The following MTHFD1L variants were observed in gnomAD, a reference collection of about 807,000 sequenced individuals.
MTHFD1L encodes the protein methylenetetrahydrofolate dehydrogenase (NADP+ dependent) 1 like.
In MTHFD1L, 81 loss-of-function variants were observed where a neutral mutation model predicts 119.5. The ratio of observed to expected loss-of-function variants is 0.68; its 90% CI spans 0.57 to 0.82. The LOEUF (loss-of-function observed/expected upper bound fraction) is 0.82, where lower values mean the gene tolerates loss of function less well. MTHFD1L is among the 40% of genes least tolerant of loss of function. MTHFD1L has a pLI of 0.00. For synonymous variants in MTHFD1L, 430 were observed against 475.2 expected (o/e 0.90, Z 1.24); for missense variants, 1,125 against 1,253.4 (o/e 0.90, Z 1.55).
intron 24 of MTHFD1L, among the ~76,000 whole-genome samples, chr6:151,026,540 A>G (rs1784624199): frequency 6.6e-6 from 1 of 152,202 alleles, no homozygotes; most frequent in South Asian, 2.1e-4. Context: ...CGTTTCTGAA[A>G]TACATGTTTA....
chr6:150,922,156 TG>T (rs1789061807), intron 9 of MTHFD1L, 48 bp from the exon 10 acceptor site: 1 of 1,353,994 alleles, frequency 7.4e-7, no homozygotes, highest in African/African-American at 1.4e-5. Flanking sequence ...GTGTGTGCCC[TG>T]TCAGCTTTTA....
At chr6:151,024,839 G>GT (rs899783707) in intron 24 of MTHFD1L, among the ~76,000 whole-genome samples, 19 of 151,800 alleles carry the variant, frequency 1.3e-4, no homozygotes, top group African/African-American at 3.6e-4. Context: ...TTTGTTTTGG[G>GT]TTTTTTTTGA....
At position 151,004,498 on chromosome 6, in the gene MTHFD1L, G is replaced by C. The variant is rs189037104; in HGVS notation, c.2126-5321G>C. On this transcript the variant is annotated intron_variant, in intron 20 of 27. Transcript: ENST00000367321. ...AATGTTGTGTTGTTCTGGTGTTCTC[G>C]TTTCTGCCGTTATCATTGTTTCTGC... is the stretch of plus-strand genomic sequence containing the variant. Among the ~76,000 whole-genome samples, 59 of 152,230 alleles carry C rather than the reference G, an allele frequency of 3.9e-4. No individual in the cohort carries two copies. In the East Asian group the frequency reaches 4.6e-3, roughly 12 times the overall value.
intron 15 of MTHFD1L, 69 bp from the exon 16 acceptor site, chr6:150,948,959 GGGA>G: frequency 8.2e-7 from 1 of 1,223,786 alleles, no homozygotes; most frequent in Non-Finnish European, 1.2e-6. Flanking sequence ...TAAAATTAGA[GGGA>G]TAATTTTGGT....
chr6:150,881,984 G>A (rs944988025), intron 4 of MTHFD1L, among the ~76,000 whole-genome samples: 1 of 152,178 alleles, frequency 6.6e-6, no homozygotes, highest in Non-Finnish European at 1.5e-5. Flanking sequence ...TATATGCAAA[G>A]ATAAGTATCT....
intron 11 of MTHFD1L, among the ~76,000 whole-genome samples, chr6:150,933,824 C>T (rs1017981659): frequency 3.3e-5 from 5 of 152,128 alleles, no homozygotes; most frequent in African/African-American, 1.2e-4. Context: ...ACTATATTGC[C>T]CAGGCTGGTC....
chr6:151,010,128 G>A (rs977429146), intron 21 of MTHFD1L, among the ~76,000 whole-genome samples, 170 bp downstream of exon 21: 3 of 151,678 alleles, frequency 2.0e-5, no homozygotes, highest in African/African-American at 4.9e-5. Flanking sequence ...AACGTTTTTT[G>A]TTTTGTGTTG....
At chr6:151,080,545 C>A (rs554762031) in intron 26 of MTHFD1L, among the ~76,000 whole-genome samples, 2 of 152,288 alleles carry the variant, frequency 1.3e-5, no homozygotes, top group African/African-American at 4.8e-5. Flanking sequence ...AGTTAGGAGT[C>A]TTTCGGTCCA....
chr6:150,926,184 G>T lies in MTHFD1L; in HGVS notation c.1145G>T (p.Gly382Val), dbSNP rs1474022377. The T allele has an allele frequency of 1.2e-6, 2 of 1,614,092 alleles. No homozygotes were observed. Among genetic ancestry groups the T allele is most frequent in the Non-Finnish European group, 8.5e-7 (1 of 1,179,992 alleles). ...GTGGATGTCCTTGCCAAGGAGATTG[G>T]ATTGCTTGCAGATGAAATTGAAATC... ...KAVDVLAKEI[G>V]LLADEIEIYG... The change falls in exon 11 of 28, where the codon GGA becomes GTA. Residue 382 changes from glycine (G) to valine (V), a missense_variant. By Grantham distance (109) the Gly-to-Val change is moderately radical. Transcript: ENST00000367321. This position sits in a 1 kb window ranked among gnomAD's most constrained non-coding sequence, Gnocchi z 4.3.
chr6:151,060,971 G>A (rs1320320896), intron 26 of MTHFD1L, among the ~76,000 whole-genome samples: 1 of 152,198 alleles, frequency 6.6e-6, no homozygotes, highest in Admixed American at 6.5e-5. Flanking sequence ...CTGAGGTGTA[G>A]GCAGGGGATG....
At chr6:150,923,125 A>G (rs11755049) in intron 10 of MTHFD1L, among the ~76,000 whole-genome samples, 15 of 152,260 alleles carry the variant, frequency 9.9e-5, no homozygotes, top group African/African-American at 3.6e-4. Context: ...CAAACCAAAC[A>G]TTATTCCACG....
intron 24 of MTHFD1L, among the ~76,000 whole-genome samples, chr6:151,034,148 G>A (rs572295793): frequency 3.3e-5 from 5 of 151,408 alleles, no homozygotes; most frequent in African/African-American, 1.2e-4. Flanking sequence ...GCCACTGCAC[G>A]ACAGAGTGAT....
At chr6:151,096,675 C>T (rs1458599702) in intron 27 of MTHFD1L, among the ~76,000 whole-genome samples, 2 of 152,276 alleles carry the variant, frequency 1.3e-5, no homozygotes, top group East Asian at 1.9e-4. Context: ...GGGATCACAC[C>T]GTAGATGGTG....
At position 150,972,058 on chromosome 6, in the gene MTHFD1L, G is replaced by C; in HGVS notation, c.2125G>C (p.Val709Leu). Residue 709 changes from valine (V) to leucine (L), a missense_variant and splice_region_variant, in exon 20 of 28, where the codon GTG becomes CTG. Transcript: ENST00000367321. ...LKLVGEEGFVVTEAGFGADIG... is the reference protein window; with the variant it reads ...LKLVGEEGFVLTEAGFGADIG... ...ACTGGTTGGTGAAGAAGGATTTGTA[G>C]GTAAGTTATTTCTTTTAAATTTAGT... 2 of 1,611,414 alleles carry C rather than the reference G, an allele frequency of 1.2e-6. No homozygotes were observed. The highest frequency in any genetic ancestry group is 1.7e-6 in the Non-Finnish European group (2 of 1,177,690).
intron 27 of MTHFD1L, chr6:151,099,473 C>A (rs1304281360): frequency 1.1e-5 from 12 of 1,056,622 alleles, no homozygotes; most frequent in Non-Finnish European, 1.6e-5. Flanking sequence ...TTTTGCCCTT[C>A]TCTCTTCCTC....
chr6:151,035,515 GT>G (rs1217106366), intron 25 of MTHFD1L, among the ~76,000 whole-genome samples: 1 of 152,192 alleles, frequency 6.6e-6, no homozygotes, highest in African/African-American at 2.4e-5. Context: ...AACTCAGGAA[GT>G]TCTAAATTCT....
intron 26 of MTHFD1L, among the ~76,000 whole-genome samples, chr6:151,050,390 G>C (rs1788833890): frequency 1.3e-5 from 2 of 152,188 alleles, no homozygotes; most frequent in African/African-American, 2.4e-5. Context: ...TTGAACTCCT[G>C]ACCTTAGGTG....
chr6:150,868,066 T>G (rs1385699113), intron 1 of MTHFD1L, among the ~76,000 whole-genome samples: 1 of 151,882 alleles, frequency 6.6e-6, no homozygotes, highest in Admixed American at 6.6e-5. Context: ...TCCCAAAGTG[T>G]TGGGATTACA....
intron 5 of MTHFD1L, among the ~76,000 whole-genome samples, chr6:150,885,092 A>G (rs1423645773): frequency 6.6e-6 from 1 of 152,124 alleles, no homozygotes; most frequent in Non-Finnish European, 1.5e-5. Context: ...CGGAACACCC[A>G]ATGTCAGGGC....
Sources: gnomAD v4.1 joint callset for allele counts (sites outside exome capture counted in the v4.1 genomes callset) on GRCh38, gnomAD v4.1.1 for gene constraint, Gnocchi (gnomAD v3.1) non-coding constraint, MANE v1.5 for transcripts, NCBI Gene and HGNC (gene_info 2026-07-23, HGNC 2026-07-21) for gene names.